AFF2: variants seen among roughly 807,000 people sequenced by gnomAD.
AFF2 encodes AF4/FMR2 family member 2.
AFF2 carries 14 observed loss-of-function variants against 76.9 expected under a neutral mutation model. The ratio of observed to expected loss-of-function variants is 0.18; its 90% CI spans 0.12 to 0.28. The LOEUF (loss-of-function observed/expected upper bound fraction) is 0.28. AFF2 is among the 10% of genes least tolerant of loss of function. The pLI is 1.00. For synonymous variants in AFF2, 398 were observed against 366.7 expected (o/e 1.09, Z -0.98); for missense variants, 868 against 1,001.1 (o/e 0.87, Z 1.79).
intron 1 of AFF2, among the ~76,000 whole-genome samples, chrX:148,533,535 G>T (rs989376728): frequency 9.0e-6 from 1 of 111,191 alleles, no homozygotes; most frequent in African/African-American, 3.3e-5. Context: ...CTCGTGATCC[G>T]CCTGCATCGG....
At chrX:148,988,851 C>G (rs2072503305) in intron 20 of AFF2, among the ~76,000 whole-genome samples, 1 of 112,117 alleles carries the variant, frequency 8.9e-6, no homozygotes, top group Non-Finnish European at 1.9e-5. Context: ...CATTTGTTGT[C>G]TCATTTGCCC....
At chrX:148,511,640 G>A (rs2052483218) in intron 1 of AFF2, among the ~76,000 whole-genome samples, 1 of 112,387 alleles carries the variant, frequency 8.9e-6, no homozygotes, top group Admixed American at 9.4e-5. Context: ...TCACCTCATT[G>A]AACAAGGACC....
chrX:148,708,610 C>T (rs1366063838), intron 3 of AFF2, among the ~76,000 whole-genome samples: 7 of 112,143 alleles, frequency 6.2e-5, no homozygotes, highest in South Asian at 7.4e-4. Flanking sequence ...GATACTCGAG[C>T]GACTGAGGCA....
intron 9 of AFF2, among the ~76,000 whole-genome samples, chrX:148,918,475 C>T (rs560932725): frequency 1.8e-5 from 2 of 111,578 alleles, no homozygotes; most frequent in Admixed American, 1.9e-4. Flanking sequence ...TCTCATGTTA[C>T]CTTTGTAGGC....
chrX:148,850,270 A>G (rs1223841314), intron 7 of AFF2, among the ~76,000 whole-genome samples: 1 of 112,157 alleles, frequency 8.9e-6, no homozygotes, highest in Non-Finnish European at 1.9e-5. Context: ...AGACTCATCC[A>G]TTGCCTTTCA....
intron 19 of AFF2, 48 bp from the exon 20 acceptor site, chrX:148,987,319 C>A (rs1202679598): frequency 2.7e-6 from 3 of 1,119,955 alleles, no homozygotes; most frequent in Non-Finnish European, 2.4e-6. Flanking sequence ...ACCCCACTGT[C>A]ACTCTTTCCT....
intron 15 of AFF2, among the ~76,000 whole-genome samples, chrX:148,973,108 G>T (rs1165785241): frequency 9.5e-6 from 1 of 105,090 alleles, no homozygotes; most frequent in African/African-American, 3.5e-5. Context: ...TATTTCTGAG[G>T]GCTCTGTTCT....
At chrX:148,562,747 C>G (rs2053128135) in intron 1 of AFF2, among the ~76,000 whole-genome samples, 1 of 111,455 alleles carries the variant, frequency 9.0e-6, no homozygotes. Flanking sequence ...CTCTTTATTC[C>G]TTCCCCTATC....
intron 7 of AFF2, 109 bp downstream of exon 7, chrX:148,843,542 A>C: frequency 1.6e-6 from 1 of 632,723 alleles, no homozygotes; most frequent in Non-Finnish European, 2.4e-6. Flanking sequence ...GAAACTATGA[A>C]CCTTGACTCA....
intron 3 of AFF2, among the ~76,000 whole-genome samples, chrX:148,697,130 C>G (rs1557261365): frequency 2.7e-5 from 3 of 112,224 alleles, no homozygotes; most frequent in Non-Finnish European, 5.6e-5. Context: ...CTTTAAGTTC[C>G]TACTCCACTT....
intron 7 of AFF2, among the ~76,000 whole-genome samples, chrX:148,874,811 G>A (rs1557277702): frequency 9.0e-6 from 1 of 111,541 alleles, no homozygotes. Flanking sequence ...GTTCAGCAGG[G>A]TCACAGGAAT....
chrX:148,942,048 G>A (rs1357938642), intron 9 of AFF2, among the ~76,000 whole-genome samples: 2 of 110,325 alleles, frequency 1.8e-5, no homozygotes, highest in Non-Finnish European at 3.8e-5. Flanking sequence ...ATTTAGTGGT[G>A]CAGGTTAGCA....
chrX:148,986,005 T>C (rs2072466570), intron 19 of AFF2, among the ~76,000 whole-genome samples: 1 of 107,677 alleles, frequency 9.3e-6, no homozygotes, highest in Non-Finnish European at 1.9e-5. Flanking sequence ...CTACAATTGC[T>C]GTTTCCCCAA....
At chrX:148,776,560 T>C (rs1003121680) in intron 3 of AFF2, among the ~76,000 whole-genome samples, 1 of 112,424 alleles carries the variant, frequency 8.9e-6, no homozygotes, top group African/African-American at 3.2e-5. Flanking sequence ...TTCTAACTGG[T>C]GTGAGATGGT....
rs1167468712 is a variant in AFF2, at chrX:148,998,272, T to C, written c.*6940T>C. Reference sequence around the variant, plus strand: ...GCTGTGATGGTTGTTGTTACTTGTCTCTCTCTCTCTCTGGCTCTGGCTTTT... The same window carrying C: ...GCTGTGATGGTTGTTGTTACTTGTCCCTCTCTCTCTCTGGCTCTGGCTTTT... On this transcript the variant is annotated 3_prime_UTR_variant, in exon 21 of 21. Coordinates refer to ENST00000370460, the MANE Select transcript of AFF2 (RefSeq NM_002025.4). 2 of 110,596 alleles carry C rather than the reference T, an allele frequency of 1.8e-5. No homozygotes were observed. The highest frequency in any genetic ancestry group is 3.8e-5 in the Non-Finnish European group (2 of 52,637). The allele number at this position is 110,596 out of a possible 1,213,427, so 9.1% of individuals were successfully genotyped here.
intron 3 of AFF2, among the ~76,000 whole-genome samples, chrX:148,774,292 C>T (rs1274072051): frequency 1.8e-5 from 2 of 111,856 alleles, no homozygotes; most frequent in African/African-American, 6.5e-5. Context: ...ACCTCACATA[C>T]AATCACCATC....
intron 7 of AFF2, among the ~76,000 whole-genome samples, chrX:148,869,852 C>G (rs2070951539): frequency 9.0e-6 from 1 of 111,402 alleles, no homozygotes; most frequent in Non-Finnish European, 1.9e-5. Flanking sequence ...CTCCCTGAGT[C>G]TCTTCACATA....
intron 3 of AFF2, among the ~76,000 whole-genome samples, chrX:148,685,797 A>C (rs1557260291): frequency 1.8e-5 from 2 of 110,716 alleles, no homozygotes. Context: ...TTTTTTTTAA[A>C]ATTACCGGTC....
intron 3 of AFF2, among the ~76,000 whole-genome samples, chrX:148,766,294 T>A (rs1165549143): frequency 1.8e-5 from 2 of 110,029 alleles, no homozygotes; most frequent in African/African-American, 6.6e-5. Flanking sequence ...ACTTCCACAA[T>A]GGTTGAACTA....
Sources: allele counts gnomAD v4.1 joint callset (sites outside exome capture counted in the v4.1 genomes callset), GRCh38; gene constraint gnomAD v4.1.1; transcripts MANE v1.5; gene names NCBI Gene and HGNC (gene_info 2026-07-23, HGNC 2026-07-21).